SLIT3: variants seen among roughly 807,000 people sequenced by gnomAD.
SLIT3 encodes slit homolog 3 protein.
In SLIT3, 68 loss-of-function variants were observed where a neutral mutation model predicts 184.0. The observed-to-expected ratio is 0.37, with a 90% CI of 0.30 to 0.45. SLIT3 has a LOEUF of 0.45. Among genes scored for constraint, SLIT3 ranks in the 20% least tolerant of loss-of-function variants. The pLI is 1.00. For synonymous variants in SLIT3, 831 were observed against 828.6 expected, an observed-to-expected ratio of 1.00 and a Z score of -0.05; for missense variants, 1,707 against 2,026.0, an observed-to-expected ratio of 0.84 and a Z score of 3.02.
chr5:168,883,990 G>A (rs1453871823), intron 4 of SLIT3, among the ~76,000 whole-genome samples: 1 of 152,088 alleles, frequency 6.6e-6, no homozygotes, highest in African/African-American at 2.4e-5. Flanking sequence ...GTGCCAGCAT[G>A]TTGCTTTGAG....
Position 169,137,331 on chromosome 5 carries a change from C to CAGAG in SLIT3, c.413+56147_413+56148insCTCT, listed in dbSNP as rs766822479. On this transcript the variant is annotated intron_variant, in intron 4 of 35. Transcript: ENST00000519560. ...ACACACACACACACACACACACACA[C>CAGAG]ACACAGAGAGAGAGAGAGAGAGAGA... Among the ~76,000 whole-genome samples, 198 of 132,108 alleles carry CAGAG rather than the reference C, an allele frequency of 1.5e-3. 1 individual carries two copies. The highest frequency in any genetic ancestry group is 4.8e-3 in the South Asian group (18 of 3,760). 86.7% of individuals were successfully genotyped at this position (132,108 alleles called of 152,430 possible).
intron 4 of SLIT3, among the ~76,000 whole-genome samples, chr5:168,988,938 G>A (rs537305583): frequency 6.6e-6 from 1 of 152,332 alleles, no homozygotes; most frequent in Non-Finnish European, 1.5e-5. Context: ...TGCAGAAAGT[G>A]AAAGTTTCTG....
chr5:168,871,587 G>A (rs1378672862), intron 5 of SLIT3, among the ~76,000 whole-genome samples: 3 of 152,090 alleles, frequency 2.0e-5, no homozygotes, highest in Non-Finnish European at 2.9e-5. Context: ...GAGTGATGAA[G>A]TTAAATATCT....
chr5:168,853,340 A>G (rs1444649254), intron 5 of SLIT3, among the ~76,000 whole-genome samples: 1 of 152,224 alleles, frequency 6.6e-6, no homozygotes, highest in Non-Finnish European at 1.5e-5. Context: ...GAGAAATTGC[A>G]AAATTTAATC....
intron 4 of SLIT3, among the ~76,000 whole-genome samples, chr5:168,984,233 G>A: frequency 6.6e-6 from 1 of 152,134 alleles, no homozygotes; most frequent in Non-Finnish European, 1.5e-5. Flanking sequence ...CAAATCTCAA[G>A]TAAATTAAAG....
At chr5:169,197,434 C>A (rs910113574) in intron 3 of SLIT3, among the ~76,000 whole-genome samples, 1 of 152,126 alleles carries the variant, frequency 6.6e-6, no homozygotes, top group Non-Finnish European at 1.5e-5. Context: ...GCATAAGGTA[C>A]ACTTCCCATG....
At chr5:169,130,911 G>A (rs1481997899) in intron 4 of SLIT3, among the ~76,000 whole-genome samples, 1 of 152,104 alleles carries the variant, frequency 6.6e-6, no homozygotes, top group Non-Finnish European at 1.5e-5. Context: ...TATAATGTTT[G>A]AAAATATACA....
chr5:169,257,177 A>C (rs1244853473), intron 1 of SLIT3, among the ~76,000 whole-genome samples: 1 of 152,188 alleles, frequency 6.6e-6, no homozygotes, highest in Non-Finnish European at 1.5e-5. Context: ...CAGGAGCACA[A>C]GTACTATATG....
chr5:169,292,099 G>T (rs1050199665), intron 1 of SLIT3, among the ~76,000 whole-genome samples: 6 of 152,128 alleles, frequency 3.9e-5, no homozygotes, highest in Admixed American at 1.3e-4. Context: ...TCTTCATCAT[G>T]TCTGTTCCCA....
Position 168,671,287 on chromosome 5 carries a change from C to T in SLIT3, c.4038G>A (p.Val1346=). 2 of 1,613,844 alleles carry T rather than the reference C, an allele frequency of 1.2e-6. No individual in the cohort carries two copies. Among genetic ancestry groups the T allele is most frequent in the Middle Eastern group, 1.7e-4 (1 of 6,058 alleles). ...TVCKHGLCRS[V]EKDSVVCECR... ...ACTCGCACACCACGCTGTCCTTCTCCACGGAGCGGCACAGGCCGTGCTTGC... is the reference window on the plus strand; with the variant it reads ...ACTCGCACACCACGCTGTCCTTCTCTACGGAGCGGCACAGGCCGTGCTTGC... Residue 1346 remains valine (V), a synonymous_variant, in exon 34 of 36, where the codon GTG becomes GTA. Transcript: ENST00000519560.
At position 169,022,276 on chromosome 5, in the gene SLIT3, A is replaced by C. The variant is rs1756629270; in HGVS notation, c.414-138940T>G. ...GTGCCCTCGAGAATTGTAGGGAAGA[A>C]GCATATTGAGTGAGAAAGGGTTATT... is the stretch of plus-strand genomic sequence containing the variant. On this transcript the variant is annotated intron_variant, in intron 4 of 35. Coordinates refer to ENST00000519560, the MANE Select transcript of SLIT3 (RefSeq NM_003062.4). The C allele has an allele frequency of 2.6e-5, 4 of 152,342 alleles. No homozygotes were observed. The South Asian group carries it at 8.3e-4, about 32-fold the overall frequency. The allele number at this position is 152,342 out of a possible 1,614,324, so 9.4% of individuals were successfully genotyped here.
chr5:168,712,265 A>G lies in SLIT3; in HGVS notation c.2555+18T>C. The G allele has an allele frequency of 6.2e-7, 1 of 1,606,154 alleles. No individual in the cohort carries two copies. The highest frequency in any genetic ancestry group is 8.5e-7 in the Non-Finnish European group (1 of 1,172,744). On this transcript the variant is annotated intron_variant, in intron 24 of 35. Transcript: ENST00000519560. ...TTCATGTTTTGAATGTTCATTGGGG[A>G]GAAACACTGCTACTTACAGATGGGA...
At chr5:168,927,560 C>T (rs1000183739) in intron 4 of SLIT3, among the ~76,000 whole-genome samples, 1 of 152,168 alleles carries the variant, frequency 6.6e-6, no homozygotes, top group Non-Finnish European at 1.5e-5. Context: ...GTCCAAGGTA[C>T]CTGGTGTGGC....
chr5:168,744,183 G>A (rs560447346), intron 20 of SLIT3, among the ~76,000 whole-genome samples: 10 of 152,308 alleles, frequency 6.6e-5, no homozygotes, highest in South Asian at 6.2e-4. Context: ...CAGCTAAGGG[G>A]GAGGCTGAGG....
intron 34 of SLIT3, among the ~76,000 whole-genome samples, chr5:168,670,988 C>T (rs1761220626): frequency 6.6e-6 from 1 of 152,018 alleles, no homozygotes; most frequent in Non-Finnish European, 1.5e-5. Flanking sequence ...TGAGCAGGGC[C>T]CTCTTATGCT....
At chr5:168,797,788 G>A (rs1756618744) in intron 9 of SLIT3, among the ~76,000 whole-genome samples, 1 of 152,172 alleles carries the variant, frequency 6.6e-6, no homozygotes, top group South Asian at 2.1e-4. Flanking sequence ...TTTTGCAGAT[G>A]AGGAAAAGAA....
chr5:168,714,045 TG>T (rs1762642067), intron 23 of SLIT3, among the ~76,000 whole-genome samples: 1 of 152,218 alleles, frequency 6.6e-6, no homozygotes, highest in African/African-American at 2.4e-5. Context: ...CACAGTTCTC[TG>T]GTGAAATTCT....
intron 4 of SLIT3, among the ~76,000 whole-genome samples, chr5:169,046,831 C>A (rs1757639404): frequency 6.6e-6 from 1 of 152,162 alleles, no homozygotes; most frequent in South Asian, 2.1e-4. Flanking sequence ...CCCTTTTCTG[C>A]ACCCTTCCCC....
At chr5:168,970,725 C>T (rs1015156224) in intron 4 of SLIT3, among the ~76,000 whole-genome samples, 5 of 152,138 alleles carry the variant, frequency 3.3e-5, no homozygotes, top group Non-Finnish European at 5.9e-5. Flanking sequence ...CCTACTCCCA[C>T]CCTGAAACCA....
Sources: gnomAD v4.1 joint callset for allele counts (sites outside exome capture counted in the v4.1 genomes callset) on GRCh38, gnomAD v4.1.1 for gene constraint, MANE v1.5 for transcripts, NCBI Gene and HGNC (gene_info 2026-07-23, HGNC 2026-07-21) for gene names.